The following CNTNAP2 variants were observed in gnomAD, a reference collection of about 807,000 sequenced individuals.
The protein encoded by CNTNAP2 is contactin associated protein 2.
In CNTNAP2, 98 loss-of-function variants were observed where a neutral mutation model predicts 155.2. That is an observed-to-expected ratio of 0.63 (90% CI 0.54 to 0.75). The LOEUF (loss-of-function observed/expected upper bound fraction) is 0.75, where lower values mean the gene tolerates loss of function less well. Among genes scored for constraint, CNTNAP2 ranks in the 30% least tolerant of loss-of-function variants. The probability of loss-of-function intolerance (pLI) is 0.00; values close to 1 mark genes in which losing one functional copy is unlikely to be tolerated. For synonymous variants in CNTNAP2, 651 were observed against 631.2 expected (o/e 1.03, Z -0.47); for missense variants, 1,727 against 1,688.1 (o/e 1.02, Z -0.40).
At chr7:147,983,443 AT>A (rs1269749872) in intron 15 of CNTNAP2, among the ~76,000 whole-genome samples, 2 of 135,036 alleles carry the variant, frequency 1.5e-5, no homozygotes, top group African/African-American at 5.4e-5. Context: ...CAAAAAAAAA[AT>A]AAAAATAAAA....
chr7:147,043,557 A>C (rs1426907667), intron 3 of CNTNAP2, among the ~76,000 whole-genome samples: 2 of 152,216 alleles, frequency 1.3e-5, no homozygotes, highest in African/African-American at 4.8e-5. Flanking sequence ...AGAGAGCAAG[A>C]CATATGGTTA....
chr7:148,237,755 C>T (rs1385301345), intron 20 of CNTNAP2, among the ~76,000 whole-genome samples: 1 of 152,128 alleles, frequency 6.6e-6, no homozygotes, highest in Admixed American at 6.5e-5. Flanking sequence ...GAGAGTAATT[C>T]AATTATGGAC....
chr7:146,483,280 A>ATATATAT (rs1796994258), intron 1 of CNTNAP2, among the ~76,000 whole-genome samples: 1 of 54,478 alleles, frequency 1.8e-5, no homozygotes. Context: ...CGTCTAAAAA[A>ATATATAT]AAATATATAT....
At chr7:146,412,732 T>C (rs983517150) in intron 1 of CNTNAP2, among the ~76,000 whole-genome samples, 3 of 152,198 alleles carry the variant, frequency 2.0e-5, no homozygotes, top group Non-Finnish European at 4.4e-5. Context: ...ATTAATTCAC[T>C]AGTTACATTC....
At chr7:147,225,164 G>T (rs543041508) in intron 8 of CNTNAP2, among the ~76,000 whole-genome samples, 2 of 152,056 alleles carry the variant, frequency 1.3e-5, no homozygotes, top group Admixed American at 6.6e-5. Flanking sequence ...CAATTTAAAA[G>T]TTCTAAAATA....
intron 1 of CNTNAP2, among the ~76,000 whole-genome samples, chr7:146,356,971 T>G (rs1795007533): frequency 1.3e-5 from 2 of 152,160 alleles, no homozygotes; most frequent in African/African-American, 4.8e-5. Context: ...TTCCCTCATC[T>G]CATCAAGCAC....
intron 13 of CNTNAP2, among the ~76,000 whole-genome samples, chr7:147,739,141 GTT>G (rs78880175): frequency 2.6e-4 from 36 of 136,328 alleles, no homozygotes; most frequent in African/African-American, 7.7e-4. Flanking sequence ...TCTCTCTGAA[GTT>G]TTTTTTTTTT....
chr7:146,925,626 G>T (rs543600465), intron 3 of CNTNAP2, among the ~76,000 whole-genome samples: 2 of 152,104 alleles, frequency 1.3e-5, no homozygotes, highest in Non-Finnish European at 1.5e-5. Context: ...AACTGTCCTT[G>T]CTATGTAGTA....
At chr7:147,818,540 A>G (rs1798311546) in intron 13 of CNTNAP2, among the ~76,000 whole-genome samples, 1 of 152,172 alleles carries the variant, frequency 6.6e-6, no homozygotes. Flanking sequence ...TGGGTGTCCT[A>G]AAAGGAAGCA....
chr7:146,445,170 C>T (rs73460776), intron 1 of CNTNAP2, among the ~76,000 whole-genome samples: 7,860 of 152,258 alleles, frequency 0.052, 570 homozygotes, highest in African/African-American at 0.16. Flanking sequence ...ACCCAATCCT[C>T]TCCATGTGGC....
rs575541479 is a variant in CNTNAP2, at chr7:147,479,916, T to C, written c.1671-6019T>C. On this transcript the variant is annotated intron_variant, in intron 10 of 23. Coordinates refer to ENST00000361727, the MANE Select transcript of CNTNAP2 (RefSeq NM_014141.6). ...TTAAATTAGTTACTGGAATTGTGATTATTTTTCTAAATAATTTCTATTTGA... is the reference window on the plus strand; with the variant it reads ...TTAAATTAGTTACTGGAATTGTGATCATTTTTCTAAATAATTTCTATTTGA... Among the ~76,000 whole-genome samples, 68 of 152,250 alleles carry C rather than the reference T, an allele frequency of 4.5e-4. 1 individual carries two copies. In the South Asian group the frequency reaches 1.0e-2, roughly 22 times the overall value.
At chr7:146,288,822 T>TTTTTA (rs1800381850) in intron 1 of CNTNAP2, among the ~76,000 whole-genome samples, 1 of 136,080 alleles carries the variant, frequency 7.3e-6, no homozygotes, top group African/African-American at 3.3e-5. Context: ...TTTTTTTTTT[T>TTTTTA]GAGACAGAAT....
intron 10 of CNTNAP2, among the ~76,000 whole-genome samples, chr7:147,460,318 T>C (rs1798000000): frequency 6.6e-6 from 1 of 152,068 alleles, no homozygotes; most frequent in African/African-American, 2.4e-5. Flanking sequence ...CTGCCATTTT[T>C]CCTATTCAAA....
intron 12 of CNTNAP2, among the ~76,000 whole-genome samples, chr7:147,614,269 G>A (rs1000800702): frequency 1.3e-5 from 2 of 152,018 alleles, no homozygotes; most frequent in Non-Finnish European, 2.9e-5. Flanking sequence ...AAATTATTGG[G>A]ATTATGATTG....
intron 13 of CNTNAP2, among the ~76,000 whole-genome samples, chr7:147,813,120 G>GAA (rs11291111): frequency 2.9e-5 from 4 of 135,872 alleles, no homozygotes; most frequent in Admixed American, 1.5e-4. Flanking sequence ...TTCACTATTT[G>GAA]AAAAAAAAAA....
At chr7:147,470,086 C>T (rs986929159) in intron 10 of CNTNAP2, among the ~76,000 whole-genome samples, 1 of 151,962 alleles carries the variant, frequency 6.6e-6, no homozygotes, top group African/African-American at 2.4e-5. Flanking sequence ...GCTCCATAGA[C>T]CATTGTAAGC....
chr7:148,109,976 T>C (rs941788116), intron 15 of CNTNAP2, among the ~76,000 whole-genome samples: 4 of 152,114 alleles, frequency 2.6e-5, no homozygotes, highest in Non-Finnish European at 4.4e-5. Context: ...CCCATTAAAC[T>C]TGTTTGTGGA....
intron 1 of CNTNAP2, among the ~76,000 whole-genome samples, chr7:146,430,101 T>C (rs1796150154): frequency 1.3e-5 from 2 of 152,150 alleles, no homozygotes; most frequent in Non-Finnish European, 2.9e-5. Context: ...AGATTTGATG[T>C]GCTGCTAGAT....
At chr7:147,842,430 T>C (rs1406196256) in intron 13 of CNTNAP2, among the ~76,000 whole-genome samples, 1 of 152,168 alleles carries the variant, frequency 6.6e-6, no homozygotes, top group African/African-American at 2.4e-5. Context: ...TTTAATTCCA[T>C]GTATTTTAAG....
Sources: gnomAD v4.1 joint callset for allele counts (sites outside exome capture counted in the v4.1 genomes callset) on GRCh38, gnomAD v4.1.1 for gene constraint, MANE v1.5 for transcripts, NCBI Gene and HGNC (gene_info 2026-07-23, HGNC 2026-07-21) for gene names.